The following SGCZ variants were observed in gnomAD, a reference collection of about 807,000 sequenced individuals.
The protein encoded by SGCZ is sarcoglycan zeta.
Under a neutral mutation model 41.3 loss-of-function variants are expected in SGCZ, and 40 were observed. That is an observed-to-expected ratio of 0.97 (90% CI 0.75 to 1.26). The LOEUF is 1.26. Ranked by LOEUF, SGCZ falls within the 50% of genes most tolerant of loss-of-function variation. SGCZ has a pLI of 0.00. For missense variants in SGCZ, 552 were observed against 369.8 expected (o/e 1.49, Z -4.04); for synonymous variants, 206 against 137.5 (o/e 1.50, Z -3.49).
chr8:15,236,397 G>C (rs1204576014), intron 1 of SGCZ, among the ~76,000 whole-genome samples: 2 of 151,572 alleles, frequency 1.3e-5, no homozygotes, highest in African/African-American at 4.9e-5. Flanking sequence ...CCATTTCCTT[G>C]ACATTTCAGG....
intron 2 of SGCZ, among the ~76,000 whole-genome samples, chr8:14,396,348 T>C (rs1007984804): frequency 2.5e-5 from 3 of 118,152 alleles, no homozygotes; most frequent in African/African-American, 1.7e-4. Flanking sequence ...GCCACTAATA[T>C]TTGATAAGCC....
intron 2 of SGCZ, among the ~76,000 whole-genome samples, chr8:14,429,158 C>T (rs886271656): frequency 1.3e-5 from 2 of 152,086 alleles, no homozygotes; most frequent in Admixed American, 6.6e-5. Context: ...TGGGCTGATA[C>T]ATACAGTAAA....
intron 2 of SGCZ, among the ~76,000 whole-genome samples, chr8:14,444,118 T>A (rs1800357412): frequency 6.6e-6 from 1 of 152,076 alleles, no homozygotes; most frequent in African/African-American, 2.4e-5. Context: ...TGAGATACCA[T>A]CTCACACTAG....
At chr8:14,714,411 T>C (rs188332392) in intron 1 of SGCZ, among the ~76,000 whole-genome samples, 56 of 152,354 alleles carry the variant, frequency 3.7e-4, no homozygotes, top group African/African-American at 1.3e-3. Flanking sequence ...AATGATTTAA[T>C]AACATGATTT....
At chr8:15,095,077 T>C (rs951003851) in intron 1 of SGCZ, among the ~76,000 whole-genome samples, 3 of 152,200 alleles carry the variant, frequency 2.0e-5, no homozygotes, top group Non-Finnish European at 4.4e-5. Context: ...ATGTTGACTG[T>C]ATTTGGAGAA....
In SGCZ at chr8:14,388,182, T is replaced by C. The variant is rs371717072; in HGVS notation, c.235-63978A>G. 9.3e-4 allele frequency among the ~76,000 whole-genome samples: 142 copies of C among 152,154 alleles called. 2 individuals are homozygous for C. Among genetic ancestry groups the C allele is most frequent in the African/African-American group, 3.2e-3 (132 of 41,518 alleles). On this transcript the variant is annotated intron_variant, in intron 2 of 7. Coordinates refer to ENST00000382080, the MANE Select transcript of SGCZ (RefSeq NM_139167.4). The stretch of plus-strand genomic sequence containing the variant: ...AATAAAACATATCATTTAAAATATA[T>C]ATTGCCTGATACGAAAAAAAGTTAA...
chr8:14,282,631 C>T (rs557294694), intron 3 of SGCZ, among the ~76,000 whole-genome samples: 10 of 152,242 alleles, frequency 6.6e-5, no homozygotes, highest in Admixed American at 5.9e-4. Context: ...AAGGAGACCA[C>T]TTTCAGAATC....
chr8:14,678,674 C>T (rs879308843), intron 1 of SGCZ, among the ~76,000 whole-genome samples: 6 of 152,198 alleles, frequency 3.9e-5, no homozygotes, highest in South Asian at 2.1e-4. Flanking sequence ...ATCCAGCAAT[C>T]GTGCTCCACG....
At chr8:15,093,305 T>C (rs1167501841) in intron 1 of SGCZ, among the ~76,000 whole-genome samples, 1 of 152,232 alleles carries the variant, frequency 6.6e-6, no homozygotes, top group East Asian at 1.9e-4. Context: ...GAGTCATTTG[T>C]ACTTCTCATC....
intron 1 of SGCZ, among the ~76,000 whole-genome samples, chr8:15,158,514 T>C (rs2117034874): frequency 6.6e-6 from 1 of 152,348 alleles, no homozygotes; most frequent in African/African-American, 2.4e-5. Flanking sequence ...ATATTTTTCA[T>C]GAGTAGTAAG....
chr8:14,314,060 T>A (rs1459238742), intron 3 of SGCZ, among the ~76,000 whole-genome samples: 3 of 151,984 alleles, frequency 2.0e-5, no homozygotes, highest in African/African-American at 7.2e-5. Flanking sequence ...TTGTAAGGCT[T>A]CAGTAGTGTC....
intron 1 of SGCZ, among the ~76,000 whole-genome samples, chr8:14,666,120 G>A (rs1378242109): frequency 6.6e-6 from 1 of 152,034 alleles, no homozygotes; most frequent in Non-Finnish European, 1.5e-5. Context: ...TTTTAACCAC[G>A]CTGTTTCTGA....
intron 2 of SGCZ, among the ~76,000 whole-genome samples, chr8:14,435,230 A>G (rs1198954570): frequency 6.6e-6 from 1 of 152,128 alleles, no homozygotes; most frequent in Non-Finnish European, 1.5e-5. Context: ...GCATATTGCC[A>G]TTATATTATT....
intron 1 of SGCZ, among the ~76,000 whole-genome samples, chr8:15,109,938 CA>C (rs903200404): frequency 1.1e-3 from 173 of 152,194 alleles, no homozygotes; most frequent in African/African-American, 4.0e-3. Flanking sequence ...TACAAATATA[CA>C]TTAAACTTTT....
chr8:14,256,907 G>C (rs1177076768), intron 3 of SGCZ, among the ~76,000 whole-genome samples: 1 of 151,738 alleles, frequency 6.6e-6, no homozygotes, highest in Non-Finnish European at 1.5e-5. Context: ...TCACCATTAC[G>C]GCCAGAACAC....
At chr8:15,237,456 C>T (rs958660944) in intron 1 of SGCZ, 129 bp downstream of exon 1, 121 of 1,137,082 alleles carry the variant, frequency 1.1e-4, no homozygotes, top group Non-Finnish European at 1.4e-4. Flanking sequence ...GTGCGCGTCC[C>T]CCCAACGCCC....
chr8:14,213,223 A>G (rs890026112), intron 4 of SGCZ, among the ~76,000 whole-genome samples: 1 of 152,154 alleles, frequency 6.6e-6, no homozygotes, highest in African/African-American at 2.4e-5. Context: ...AAGAGAATAA[A>G]CTCAAGGAAA....
At chr8:14,347,156 G>A (rs1802915665) in intron 2 of SGCZ, among the ~76,000 whole-genome samples, 1 of 151,984 alleles carries the variant, frequency 6.6e-6, no homozygotes, top group South Asian at 2.1e-4. Flanking sequence ...AAATCTATGA[G>A]AAAAACTACT....
chr8:14,952,903 G>A (rs376363118), intron 1 of SGCZ, among the ~76,000 whole-genome samples: 58 of 152,266 alleles, frequency 3.8e-4, no homozygotes, highest in African/African-American at 1.3e-3. Flanking sequence ...GGAGAAAACA[G>A]AGGCACTTGG....
Sources: allele counts gnomAD v4.1 joint callset (sites outside exome capture counted in the v4.1 genomes callset), GRCh38; gene constraint gnomAD v4.1.1; transcripts MANE v1.5; gene names NCBI Gene and HGNC (gene_info 2026-07-23, HGNC 2026-07-21).